Variants in GRM7 observed in about 807,000 individuals in gnomAD.
GRM7 encodes metabotropic glutamate receptor 7.
GRM7 carries 35 observed loss-of-function variants against 84.5 expected under a neutral mutation model. That is an observed-to-expected ratio of 0.41 (90% CI 0.32 to 0.55). GRM7 has a LOEUF of 0.55. GRM7 is among the 20% of genes least tolerant of loss of function. The probability of loss-of-function intolerance (pLI) is 0.19; values close to 1 mark genes in which losing one functional copy is unlikely to be tolerated. For synonymous variants in GRM7, 487 were observed against 455.1 expected (o/e 1.07, Z -0.89); for missense variants, 1,003 against 1,194.6 (o/e 0.84, Z 2.36).
intron 8 of GRM7, among the ~76,000 whole-genome samples, chr3:7,622,694 G>T (rs1295956401): frequency 2.0e-5 from 3 of 152,046 alleles, no homozygotes; most frequent in Non-Finnish European, 2.9e-5. Flanking sequence ...GCAGGAACTG[G>T]TTAAACAGTA....
chr3:7,609,682 G>C (rs1049733111), intron 8 of GRM7, among the ~76,000 whole-genome samples: 1 of 152,076 alleles, frequency 6.6e-6, no homozygotes, highest in African/African-American at 2.4e-5. Flanking sequence ...TTGAGGAGAG[G>C]GGACAGTGGA....
chr3:7,279,558 A>G (rs1292499938), intron 2 of GRM7, among the ~76,000 whole-genome samples: 2 of 152,194 alleles, frequency 1.3e-5, no homozygotes, highest in Admixed American at 6.5e-5. Flanking sequence ...AGCAGAATCC[A>G]TGAGTAAGCA....
intron 1 of GRM7, among the ~76,000 whole-genome samples, chr3:6,885,512 C>T (rs35154901): frequency 0.32 from 48,079 of 152,078 alleles, 8,778 homozygotes; most frequent in South Asian, 0.44. Context: ...GGTGTTTCCA[C>T]CCTGACCTGT....
chr3:7,071,094 A>G (rs1049983559), intron 1 of GRM7, among the ~76,000 whole-genome samples: 3 of 152,086 alleles, frequency 2.0e-5, no homozygotes, highest in African/African-American at 7.2e-5. Flanking sequence ...TCTGAGGTGA[A>G]CAAAACTCCT....
At chr3:7,320,559 A>G (rs569574899) in intron 4 of GRM7, among the ~76,000 whole-genome samples, 4 of 152,054 alleles carry the variant, frequency 2.6e-5, no homozygotes, top group African/African-American at 9.6e-5. Context: ...GTTGTATAAC[A>G]TGCTTCAGAG....
chr3:7,665,168 C>CTTT (rs34966790), intron 8 of GRM7, among the ~76,000 whole-genome samples: 23 of 102,514 alleles, frequency 2.2e-4, no homozygotes, highest in Non-Finnish European at 2.7e-4. Flanking sequence ...GCCCATGATT[C>CTTT]TTTTTTTTTT....
intron 8 of GRM7, among the ~76,000 whole-genome samples, chr3:7,614,709 A>G (rs910902875): frequency 1.4e-4 from 21 of 152,176 alleles, no homozygotes; most frequent in African/African-American, 4.8e-4. Context: ...TACTCTGACA[A>G]TTACAATATA....
chr3:6,986,535 A>G (rs537061261), intron 1 of GRM7, among the ~76,000 whole-genome samples: 1 of 152,304 alleles, frequency 6.6e-6, no homozygotes, highest in Admixed American at 6.5e-5. Context: ...CACTCTGTTA[A>G]TGCTCATACG....
chr3:6,978,485 T>TC (rs1452242507), intron 1 of GRM7, among the ~76,000 whole-genome samples: 2 of 152,020 alleles, frequency 1.3e-5, no homozygotes, highest in Non-Finnish European at 2.9e-5. Context: ...TTTTAGTACT[T>TC]CCCCCCCATT....
chr3:7,298,250 C>G (rs1699878455), intron 2 of GRM7, among the ~76,000 whole-genome samples: 2 of 152,080 alleles, frequency 1.3e-5, no homozygotes, highest in African/African-American at 4.8e-5. Flanking sequence ...GGAAAAAATT[C>G]TGGGAATGCA....
intron 7 of GRM7, among the ~76,000 whole-genome samples, chr3:7,537,205 G>A (rs774744628): frequency 3.3e-5 from 5 of 152,000 alleles, no homozygotes; most frequent in African/African-American, 1.2e-4. Flanking sequence ...CTCCTCTTTT[G>A]GCCCACTCTT....
chr3:7,484,587 G>T (rs1699253219), intron 7 of GRM7, among the ~76,000 whole-genome samples: 1 of 152,162 alleles, frequency 6.6e-6, no homozygotes, highest in Non-Finnish European at 1.5e-5. Context: ...TAGGGGATAT[G>T]GCTTGGTACA....
intron 2 of GRM7, among the ~76,000 whole-genome samples, chr3:7,197,141 C>T (rs1047876125): frequency 6.6e-6 from 1 of 152,136 alleles, no homozygotes; most frequent in Admixed American, 6.6e-5. Context: ...GTATTAATAA[C>T]AAATGCTCTG....
At chr3:7,556,081 G>A (rs1333824415) in intron 7 of GRM7, among the ~76,000 whole-genome samples, 3 of 152,140 alleles carry the variant, frequency 2.0e-5, no homozygotes, top group Non-Finnish European at 4.4e-5. Flanking sequence ...TCTCACAGAA[G>A]TCCAAGATCA....
In GRM7 at chr3:7,053,035, G is replaced by C. The variant is rs563974935; in HGVS notation, c.520-93417G>C. On this transcript the variant is annotated intron_variant, in intron 1 of 9. Transcript: ENST00000357716. ...CCAGTGTATTTTAGCATGCCAGTTG[G>C]TCAGTATTCTCAATGACACTTAGTC... 7.1e-4 allele frequency among the ~76,000 whole-genome samples: 105 copies of C among 148,488 alleles called. 2 individuals carry two copies. The South Asian group carries it at 0.022, about 31-fold the overall frequency.
chr3:7,257,345 GA>G (rs1218518807), intron 2 of GRM7, among the ~76,000 whole-genome samples: 1 of 152,128 alleles, frequency 6.6e-6, no homozygotes, highest in Non-Finnish European at 1.5e-5. Flanking sequence ...GATCATTCAA[GA>G]TCAAAAGAGT....
chr3:7,397,247 A>G (rs2125152035), intron 4 of GRM7, among the ~76,000 whole-genome samples: 1 of 152,296 alleles, frequency 6.6e-6, no homozygotes, highest in South Asian at 2.1e-4. Flanking sequence ...CAGACATCTT[A>G]ATACTCATAC....
intron 8 of GRM7, among the ~76,000 whole-genome samples, chr3:7,651,700 T>C (rs1049793009): frequency 6.6e-6 from 1 of 152,212 alleles, no homozygotes; most frequent in East Asian, 1.9e-4. Flanking sequence ...CTTGCTGCAA[T>C]TGTTAAGTAA....
At chr3:7,399,961 C>G (rs1363721661) in intron 4 of GRM7, among the ~76,000 whole-genome samples, 3 of 152,100 alleles carry the variant, frequency 2.0e-5, no homozygotes, top group Non-Finnish European at 4.4e-5. Context: ...CACAAAAACG[C>G]ACGAAGACAA....
Sources: gnomAD v4.1 joint callset for allele counts (sites outside exome capture counted in the v4.1 genomes callset) on GRCh38, gnomAD v4.1.1 for gene constraint, MANE v1.5 for transcripts, NCBI Gene and HGNC (gene_info 2026-07-23, HGNC 2026-07-21) for gene names.